Variants in POLD3 observed in about 807,000 individuals in gnomAD.
The protein encoded by POLD3 is DNA polymerase delta 3, accessory subunit, also known as DNA polymerase delta subunit 3.
POLD3 carries 19 observed loss-of-function variants against 58.2 expected under a neutral mutation model. That is an observed-to-expected ratio of 0.33 (90% CI 0.23 to 0.48). The LOEUF is 0.48. Ranked by LOEUF, POLD3 falls within the 20% of genes least tolerant of loss-of-function variation. The pLI, the probability that POLD3 is intolerant of heterozygous loss-of-function variation, is 0.99. For synonymous variants in POLD3, 172 were observed against 193.5 expected, an observed-to-expected ratio of 0.89 and a Z score of 0.92; for missense variants, 504 against 545.5, an observed-to-expected ratio of 0.92 and a Z score of 0.76.
At chr11:74,603,342 G>A (rs11236169) in intron 2 of POLD3, among the ~76,000 whole-genome samples, 13 of 152,300 alleles carry the variant, frequency 8.5e-5, no homozygotes, top group African/African-American at 2.6e-4. Context: ...GGGAAGGAGA[G>A]CTGATGAGAC....
In POLD3 at chr11:74,642,623, G is replaced by GTC; in HGVS notation, c.*1859_*1860dup. ...CAATATGCTGCCTCAACTCTGAGCT[G>GTC]TCTGCAAGGCTTAGTAAGTATTGAG... On this transcript the variant is annotated 3_prime_UTR_variant, in exon 12 of 12. Coordinates refer to ENST00000263681, the MANE Select transcript of POLD3 (RefSeq NM_006591.3). 1 of 984,384 alleles carries GTC rather than the reference G, an allele frequency of 1.0e-6. No individual in the cohort carries two copies. 61.0% of individuals were successfully genotyped at this position (984,384 alleles called of 1,614,324 possible).
intron 2 of POLD3, among the ~76,000 whole-genome samples, chr11:74,600,482 A>G (rs1011634632): frequency 1.3e-5 from 2 of 151,790 alleles, no homozygotes; most frequent in African/African-American, 2.4e-5. Context: ...CAAAAATACT[A>G]AAATACAAAA....
intron 4 of POLD3, among the ~76,000 whole-genome samples, chr11:74,657,385 G>A (rs547525348): frequency 9.9e-5 from 15 of 151,880 alleles, no homozygotes; most frequent in African/African-American, 3.1e-4. Flanking sequence ...CTTCTCTGGT[G>A]TTATGACTTA....
At chr11:74,623,644 C>T (rs897336911) in intron 7 of POLD3, among the ~76,000 whole-genome samples, 11 of 151,996 alleles carry the variant, frequency 7.2e-5, no homozygotes, top group African/African-American at 2.2e-4. Flanking sequence ...TTAAAAGTAA[C>T]GCTTTATATG....
At chr11:74,634,810 C>T in intron 10 of POLD3, 115 bp downstream of exon 10, 1 of 663,108 alleles carries the variant, frequency 1.5e-6, no homozygotes, top group Non-Finnish European at 2.8e-6. Context: ...CAGTAGATGG[C>T]TCTTGTCTCA....
At chr11:74,628,239 T>C (rs1309845818) in intron 8 of POLD3, among the ~76,000 whole-genome samples, 1 of 152,142 alleles carries the variant, frequency 6.6e-6, no homozygotes, top group African/African-American at 2.4e-5. Context: ...AATTTATATT[T>C]TTCTGTTTTC....
At chr11:74,647,123 G>A (rs2033008893), downstream of POLD3, among the ~76,000 whole-genome samples, 1 of 152,218 alleles carries the variant, frequency 6.6e-6, no homozygotes, top group Admixed American at 6.5e-5. Flanking sequence ...CTGACAGGAG[G>A]CGGAGCTCAG....
In POLD3 at chr11:74,613,017, G is replaced by T; in HGVS notation, c.392+7G>T. 1 of 1,606,500 alleles carries T rather than the reference G, an allele frequency of 6.2e-7. No individual in the cohort carries two copies. Among genetic ancestry groups the T allele is most frequent in the Non-Finnish European group, 8.5e-7 (1 of 1,177,486 alleles). ...ACTTGCAGAACTGCAGCAAGTAAGCGTCTTAATGTTCCTTGTGGGCTTCTT... is the reference window on the plus strand; with the variant it reads ...ACTTGCAGAACTGCAGCAAGTAAGCTTCTTAATGTTCCTTGTGGGCTTCTT... On this transcript the variant is annotated splice_region_variant and intron_variant, in intron 5 of 11. Transcript: ENST00000263681.
At chr11:74,669,187 C>G (rs2033310047), downstream of POLD3, 1 of 171,610 alleles carries the variant, frequency 5.8e-6, no homozygotes, top group African/African-American at 2.4e-5. Context: ...ATAATGCCAG[C>G]CCTCTCTCCC....
intron 9 of POLD3, among the ~76,000 whole-genome samples, chr11:74,631,773 C>A (rs1382992419): frequency 6.6e-6 from 1 of 152,136 alleles, no homozygotes; most frequent in Non-Finnish European, 1.5e-5. Flanking sequence ...TGAGCCACTG[C>A]GCCCGTCCTG....
intron 4 of POLD3, among the ~76,000 whole-genome samples, chr11:74,648,401 GTCCT>G (rs1440746620): frequency 4.1e-4 from 63 of 152,278 alleles, no homozygotes; most frequent in African/African-American, 1.4e-3. Flanking sequence ...ACTGTACCAT[GTCCT>G]TCCTCCTCCT....
downstream of POLD3, among the ~76,000 whole-genome samples, chr11:74,644,437 AGCCCATGCTGTCACCAT>A (rs2032975551): frequency 6.6e-6 from 1 of 152,352 alleles, no homozygotes; most frequent in Non-Finnish European, 1.5e-5. Context: ...TCTGTAAATT[AGCCCATGCTGTCACCAT>A]GCCCTCTCTG....
chr11:74,653,591 G>A (rs527690588), intron 4 of POLD3, among the ~76,000 whole-genome samples: 1 of 151,986 alleles, frequency 6.6e-6, no homozygotes, highest in African/African-American at 2.4e-5. Flanking sequence ...CAGATGAAAT[G>A]GAATACTAAA....
At chr11:74,645,334 T>A (rs2032985832), downstream of POLD3, among the ~76,000 whole-genome samples, 1 of 152,244 alleles carries the variant, frequency 6.6e-6, no homozygotes, top group Non-Finnish European at 1.5e-5. Flanking sequence ...GAGTTATTTC[T>A]GTTGTGCTTT....
At chr11:74,632,715 C>T (rs1477097539) in intron 9 of POLD3, among the ~76,000 whole-genome samples, 1 of 152,070 alleles carries the variant, frequency 6.6e-6, no homozygotes, top group Non-Finnish European at 1.5e-5. Flanking sequence ...ATTCTCTTCC[C>T]TGTTTGGGGG....
At chr11:74,658,071 G>T (rs1035760260) in intron 4 of POLD3, among the ~76,000 whole-genome samples, 3 of 152,098 alleles carry the variant, frequency 2.0e-5, no homozygotes, top group African/African-American at 7.2e-5. Context: ...TTTTCATGCT[G>T]CTGATAAAGA....
At chr11:74,665,452 G>C (rs2033256906) in intron 4 of POLD3, among the ~76,000 whole-genome samples, 1 of 132,444 alleles carries the variant, frequency 7.6e-6, no homozygotes, top group Non-Finnish European at 1.5e-5. Context: ...GCTGGATGGA[G>C]TACAGTGGCA....
intron 4 of POLD3, among the ~76,000 whole-genome samples, chr11:74,649,007 T>C (rs192031003): frequency 9.9e-5 from 15 of 152,262 alleles, no homozygotes; most frequent in Non-Finnish European, 1.9e-4. Flanking sequence ...TGCTAGGTCG[T>C]CTCATGCTTG....
chr11:74,662,218 C>A (rs145596877), intron 4 of POLD3, among the ~76,000 whole-genome samples: 139 of 152,270 alleles, frequency 9.1e-4, no homozygotes, highest in African/African-American at 3.2e-3. Context: ...AGACAAAGTC[C>A]CCTTTACTTT....
Sources: allele counts gnomAD v4.1 joint callset (sites outside exome capture counted in the v4.1 genomes callset), GRCh38; gene constraint gnomAD v4.1.1; transcripts MANE v1.5; gene names NCBI Gene and HGNC (gene_info 2026-07-23, HGNC 2026-07-21).